SMAP1: variants seen among roughly 807,000 people sequenced by gnomAD.
The protein encoded by SMAP1 is stromal membrane-associated protein 1.
In SMAP1, 24 loss-of-function variants were observed where a neutral mutation model predicts 58.5. That is an observed-to-expected ratio of 0.41 (90% CI 0.30 to 0.58). The LOEUF (loss-of-function observed/expected upper bound fraction) is 0.58. Ranked by LOEUF, SMAP1 falls within the 20% of genes least tolerant of loss-of-function variation. SMAP1 has a pLI of 0.29. For synonymous variants in SMAP1, 216 were observed against 196.6 expected (o/e 1.10, Z -0.82); for missense variants, 563 against 566.3 (o/e 0.99, Z 0.06).
intron 1 of SMAP1, among the ~76,000 whole-genome samples, chr6:70,673,582 A>G: frequency 6.6e-6 from 1 of 152,250 alleles, no homozygotes. Context: ...ATATTTACTA[A>G]AAAGTAAAGT....
At position 70,673,990 on chromosome 6, in the gene SMAP1, G is replaced by GAT. The variant is rs138893285; in HGVS notation, c.118+5862_118+5863dup. 9.5e-4 allele frequency among the ~76,000 whole-genome samples: 144 copies of GAT among 151,298 alleles called. 3 individuals are homozygous for GAT. The highest frequency in any genetic ancestry group is 2.4e-3 in the African/African-American group (97 of 41,276). The stretch of plus-strand genomic sequence containing the variant: ...CATCTCCTAAATTGTTGCTGTACAA[G>GAT]ATATATATATATATCTTTCTCCACC... On this transcript the variant is annotated intron_variant, in intron 1 of 10. Transcript: ENST00000370455.
intron 1 of SMAP1, among the ~76,000 whole-genome samples, chr6:70,721,904 C>T (rs530536913): frequency 5.3e-5 from 8 of 152,258 alleles, no homozygotes; most frequent in South Asian, 4.2e-4. Flanking sequence ...TACCTTGCCC[C>T]GGATCCCTCC....
rs569432390 is a variant in SMAP1, at chr6:70,733,868, G to A, written c.252+1357G>A. On this transcript the variant is annotated intron_variant, in intron 2 of 10. Coordinates refer to ENST00000370455, the MANE Select transcript of SMAP1 (RefSeq NM_001044305.3). ...TATTCAGAAATATTTTTCTCAATTA[G>A]GTTGTTGAGAGGAAATGAATAGCAA... 4.6e-5 allele frequency among the ~76,000 whole-genome samples: 7 copies of A among 152,222 alleles called. No individual in the cohort carries two copies. In the South Asian group the frequency reaches 1.0e-3, roughly 23 times the overall value.
chr6:70,859,581 T>C (rs1771611638), intron 10 of SMAP1: 1 of 440,430 alleles, frequency 2.3e-6, no homozygotes, highest in Admixed American at 4.1e-5. Context: ...TGGTAAATCT[T>C]GCCTTTCCTT....
chr6:70,857,823 C>T, intron 9 of SMAP1, 99 bp from the exon 10 acceptor site: 1 of 1,314,644 alleles, frequency 7.6e-7, no homozygotes, highest in Non-Finnish European at 1.1e-6. Context: ...AAAATGTTTG[C>T]TGTGAGTAGT....
intron 3 of SMAP1, among the ~76,000 whole-genome samples, chr6:70,761,841 C>T (rs896845736): frequency 6.6e-6 from 1 of 152,040 alleles, no homozygotes; most frequent in Non-Finnish European, 1.5e-5. Flanking sequence ...AAAAATAAAA[C>T]TAAATTCATA....
chr6:70,696,835 G>A (rs1299508450), intron 1 of SMAP1, among the ~76,000 whole-genome samples: 1 of 152,070 alleles, frequency 6.6e-6, no homozygotes, highest in Non-Finnish European at 1.5e-5. Context: ...CTGAAAGTGG[G>A]GTGTTGAAAT....
chr6:70,757,675 A>G (rs1384307471), intron 3 of SMAP1, among the ~76,000 whole-genome samples: 1 of 152,164 alleles, frequency 6.6e-6, no homozygotes, highest in African/African-American at 2.4e-5. Context: ...ATTTACAAGA[A>G]AAAAACAAAC....
chr6:70,725,066 CA>C (rs1373429723), intron 1 of SMAP1, among the ~76,000 whole-genome samples: 1 of 128,172 alleles, frequency 7.8e-6, no homozygotes, highest in African/African-American at 2.9e-5. Flanking sequence ...TGTATTTGCT[CA>C]GACTCCATAT....
chr6:70,782,803 G>A (rs1352285492), intron 4 of SMAP1, among the ~76,000 whole-genome samples: 1 of 152,206 alleles, frequency 6.6e-6, no homozygotes, highest in Non-Finnish European at 1.5e-5. Flanking sequence ...CACTGACCCA[G>A]ATGGCCAGTA....
At chr6:70,730,784 T>C (rs779993429) in intron 1 of SMAP1, among the ~76,000 whole-genome samples, 20 of 152,104 alleles carry the variant, frequency 1.3e-4, no homozygotes, top group Non-Finnish European at 2.9e-4. Context: ...AGGCTATGTT[T>C]AAAAAAAGCT....
At chr6:70,845,524 A>G (rs1235119728) in intron 7 of SMAP1, among the ~76,000 whole-genome samples, 1 of 152,260 alleles carries the variant, frequency 6.6e-6, no homozygotes, top group Non-Finnish European at 1.5e-5. Context: ...GGAGAATAAA[A>G]TAAGTTTATT....
At chr6:70,823,107 A>G (rs894882612) in intron 6 of SMAP1, among the ~76,000 whole-genome samples, 1 of 152,206 alleles carries the variant, frequency 6.6e-6, no homozygotes, top group East Asian at 1.9e-4. Flanking sequence ...GATAATTCCA[A>G]CATATCTGCC....
At chr6:70,746,943 C>G (rs1766068839) in intron 2 of SMAP1, among the ~76,000 whole-genome samples, 1 of 152,026 alleles carries the variant, frequency 6.6e-6, no homozygotes, top group South Asian at 2.1e-4. Context: ...CTTAAGTCCC[C>G]CTATAGAGTA....
In SMAP1 at chr6:70,798,688, A is replaced by C; in HGVS notation, c.527A>C (p.Lys176Thr). The change falls in exon 6 of 11, where the codon AAG (lysine) becomes ACG (threonine). Residue 176 changes from lysine (K) to threonine (T), a missense_variant. Physicochemically the swap from Lys to Thr is moderately conservative, Grantham distance 78. Coordinates refer to ENST00000370455, the MANE Select transcript of SMAP1 (RefSeq NM_001044305.3). ...AAGGAAAAAAAAAAGGAAGAGAAAA[A>C]GAGAGAAAAGGAGCCAGAAAAGCCG... ...KEKEKKKEEK[K>T]REKEPEKPAK... 1 of 1,553,616 alleles carries C rather than the reference A, an allele frequency of 6.4e-7. No homozygotes were observed. The highest frequency in any genetic ancestry group is 2.3e-5 in the East Asian group (1 of 42,760).
intron 4 of SMAP1, among the ~76,000 whole-genome samples, chr6:70,788,487 T>C (rs898873115): frequency 3.3e-5 from 5 of 151,812 alleles, no homozygotes; most frequent in African/African-American, 1.2e-4. Flanking sequence ...AAAACTTACA[T>C]ATTAGGGAAA....
intron 1 of SMAP1, among the ~76,000 whole-genome samples, chr6:70,728,693 G>A (rs1765288463): frequency 6.6e-6 from 1 of 152,206 alleles, no homozygotes; most frequent in Non-Finnish European, 1.5e-5. Flanking sequence ...GCTGTTATGA[G>A]TGTAGACATT....
rs529917112 is a variant in SMAP1, at chr6:70,734,316, T to C, written c.252+1805T>C. Among the ~76,000 whole-genome samples, 7 of 152,292 alleles carry C rather than the reference T, an allele frequency of 4.6e-5. No homozygotes were observed. In the South Asian group the frequency reaches 1.2e-3, roughly 27 times the overall value. On this transcript the variant is annotated intron_variant, in intron 2 of 10. Transcript: ENST00000370455. ...GCGTGCCACCATGTGTTGCTAATTT[T>C]TGTATTTTTATTAGAGGTGGGGTTT...
chr6:70,764,095 GT>G, intron 3 of SMAP1, among the ~76,000 whole-genome samples: 1 of 108,152 alleles, frequency 9.2e-6, no homozygotes, highest in African/African-American at 3.5e-5. Context: ...TTTTTTTTTT[GT>G]AAAGATGGGC....
Sources: gnomAD v4.1 joint callset for allele counts (sites outside exome capture counted in the v4.1 genomes callset) on GRCh38, gnomAD v4.1.1 for gene constraint, MANE v1.5 for transcripts, NCBI Gene and HGNC (gene_info 2026-07-23, HGNC 2026-07-21) for gene names.